WDR27: variants seen among roughly 807,000 people sequenced by gnomAD.
WDR27 encodes the protein WD repeat-containing protein 27.
In WDR27, 100 loss-of-function variants were observed where a neutral mutation model predicts 114.4. The ratio of observed to expected loss-of-function variants is 0.87; its 90% confidence interval spans 0.74 to 1.03. The LOEUF (loss-of-function observed/expected upper bound fraction) is 1.03. WDR27 is among the 50% of genes least tolerant of loss of function. WDR27 has a pLI of 0.00. For missense variants in WDR27, 1,129 were observed against 1,092.9 expected, an observed-to-expected ratio of 1.03 and a Z score of -0.47; for synonymous variants, 449 against 423.1, an observed-to-expected ratio of 1.06 and a Z score of -0.75.
intron 25 of WDR27, among the ~76,000 whole-genome samples, chr6:169,467,008 T>C (rs1316690809): frequency 6.6e-6 from 1 of 152,070 alleles, no homozygotes; most frequent in Non-Finnish European, 1.5e-5. Flanking sequence ...ATGGAAGAAA[T>C]TGGCCAAAAC....
chr6:169,641,317 G>A (rs1010200467), intron 17 of WDR27, among the ~76,000 whole-genome samples: 2 of 149,662 alleles, frequency 1.3e-5, no homozygotes, highest in African/African-American at 5.0e-5. Flanking sequence ...AGGCAAGGCC[G>A]GGCCCTCGGG....
At chr6:169,444,532 G>A in the WDR27 span, among the ~76,000 whole-genome samples, 1 of 152,220 alleles carries the variant, frequency 6.6e-6, no homozygotes, top group African/African-American at 2.4e-5. Flanking sequence ...AGAGCCGGCA[G>A]GGGCCACACG....
chr6:169,666,321 GA>G, intron 6 of WDR27: 2 of 929,672 alleles, frequency 2.2e-6, no homozygotes, highest in Non-Finnish European at 2.6e-6. Context: ...ATTAACCTCA[GA>G]AAGAATGTTA....
chr6:169,634,349 G>A (rs970571965), intron 20 of WDR27, 79 bp downstream of exon 20: 88 of 1,048,844 alleles, frequency 8.4e-5, no homozygotes, highest in South Asian at 5.9e-5. Flanking sequence ...TGACACTCAC[G>A]AGATGCTCAG....
At chr6:169,582,146 G>A (rs9396979) in intron 24 of WDR27, among the ~76,000 whole-genome samples, 1 of 151,966 alleles carries the variant, frequency 6.6e-6, no homozygotes, top group South Asian at 2.1e-4. Flanking sequence ...GCTCATTTTT[G>A]TATTTTTTAG....
chr6:169,658,510 T>A (rs1824965970), intron 12 of WDR27, among the ~76,000 whole-genome samples, 152 bp from the exon 13 acceptor site: 1 of 152,224 alleles, frequency 6.6e-6, no homozygotes, highest in Non-Finnish European at 1.5e-5. Flanking sequence ...GTCAAGTGTA[T>A]TCTTATCCTT....
chr6:169,516,367 A>G (rs1214973526), intron 25 of WDR27, among the ~76,000 whole-genome samples: 1 of 152,186 alleles, frequency 6.6e-6, no homozygotes, highest in African/African-American at 2.4e-5. Flanking sequence ...ATTCACAAAG[A>G]CTTTAATAAT....
intron 25 of WDR27, among the ~76,000 whole-genome samples, chr6:169,459,775 G>A (rs1268759163): frequency 1.3e-5 from 2 of 151,970 alleles, no homozygotes; most frequent in African/African-American, 2.4e-5. Context: ...CAGACCACAA[G>A]GCAATGGTCT....
intron 16 of WDR27, among the ~76,000 whole-genome samples, chr6:169,647,308 G>A (rs777162507): frequency 6.6e-5 from 10 of 152,188 alleles, no homozygotes; most frequent in African/African-American, 1.7e-4. Flanking sequence ...CTGAGGGTCC[G>A]GTAAGGAAGG....
intron 6 of WDR27, 171 bp downstream of exon 6, chr6:169,666,963 CTG>C: frequency 3.0e-6 from 3 of 985,410 alleles, no homozygotes; most frequent in Non-Finnish European, 3.6e-6. Context: ...AGGACATTCA[CTG>C]TTAAGTGAAT....
the WDR27 span, among the ~76,000 whole-genome samples, chr6:169,433,712 G>A: frequency 6.6e-6 from 1 of 152,194 alleles, no homozygotes; most frequent in South Asian, 2.1e-4. Context: ...CACCAACTGT[G>A]TAAAAGTGTT....
chr6:169,666,009 T>C (rs1827748766), intron 6 of WDR27, among the ~76,000 whole-genome samples: 1 of 152,194 alleles, frequency 6.6e-6, no homozygotes, highest in Non-Finnish European at 1.5e-5. Flanking sequence ...AGCAAGTAAA[T>C]GGATGTCTTG....
intron 25 of WDR27, among the ~76,000 whole-genome samples, chr6:169,470,067 A>G (rs1013312810): frequency 6.6e-6 from 1 of 152,204 alleles, no homozygotes; most frequent in Non-Finnish European, 1.5e-5. Flanking sequence ...CATTGCTCAC[A>G]AGTTCTACTT....
chr6:169,456,086 A>C (rs1784335608), downstream of WDR27, among the ~76,000 whole-genome samples: 1 of 152,204 alleles, frequency 6.6e-6, no homozygotes, highest in Admixed American at 6.5e-5. The surrounding 1 kb of genome is among the most constrained non-coding windows in gnomAD (Gnocchi z 4.0). Context: ...TGGGCTTTCT[A>C]CATCTGCTTT....
the WDR27 span, among the ~76,000 whole-genome samples, chr6:169,432,542 G>A: frequency 6.6e-6 from 1 of 152,266 alleles, no homozygotes; most frequent in Middle Eastern, 3.4e-3. Context: ...AAGATCTGAT[G>A]GTTTTACAAG....
intron 2 of WDR27, among the ~76,000 whole-genome samples, chr6:169,677,081 G>A (rs540044528): frequency 6.6e-6 from 1 of 152,182 alleles, no homozygotes; most frequent in Non-Finnish European, 1.5e-5. Context: ...ACCTAAAAAC[G>A]TGGAAGTGGC....
At chr6:169,501,155 C>A (rs537121366) in intron 25 of WDR27, among the ~76,000 whole-genome samples, 1 of 152,352 alleles carries the variant, frequency 6.6e-6, no homozygotes, top group Non-Finnish European at 1.5e-5. Context: ...TTCTTTTCAC[C>A]CACTTTGATC....
intron 21 of WDR27, among the ~76,000 whole-genome samples, chr6:169,617,106 C>T (rs1305671183): frequency 6.6e-6 from 1 of 152,032 alleles, no homozygotes; most frequent in Non-Finnish European, 1.5e-5. Context: ...ACCTAGGGTT[C>T]GTTGCCTAGC....
At chr6:169,649,301 C>T in intron 14 of WDR27, 26 bp from the exon 15 acceptor site, 2 of 1,529,212 alleles carry the variant, frequency 1.3e-6, no homozygotes, top group Non-Finnish European at 1.8e-6. Flanking sequence ...TCTAATATCA[C>T]TCTCAAATAT....
Sources: allele counts gnomAD v4.1 joint callset (sites outside exome capture counted in the v4.1 genomes callset), GRCh38; gene constraint gnomAD v4.1.1; non-coding constraint Gnocchi (gnomAD v3.1); transcripts MANE v1.5; gene names NCBI Gene and HGNC (gene_info 2026-07-23, HGNC 2026-07-21).